Variants in KAT8 observed in about 807,000 individuals in gnomAD.
The protein encoded by KAT8 is histone acetyltransferase KAT8.
In KAT8, 40 loss-of-function variants were observed where a neutral mutation model predicts 62.9. The observed-to-expected ratio is 0.64, with a 90% CI of 0.49 to 0.83. The LOEUF is 0.83. Among genes scored for constraint, KAT8 ranks in the 40% least tolerant of loss-of-function variants. The probability of loss-of-function intolerance (pLI) is 0.00; values close to 1 mark genes in which losing one functional copy is unlikely to be tolerated. For missense variants in KAT8, 387 were observed against 614.8 expected (o/e 0.63, Z 3.92); for synonymous variants, 278 against 254.5 (o/e 1.09, Z -0.88).
At chr16:31,120,671 C>A (rs2057486347) in intron 3 of KAT8, 157 bp downstream of exon 3, 1 of 676,670 alleles carries the variant, frequency 1.5e-6, no homozygotes, top group African/African-American at 1.8e-5. Context: ...ACTTACTTTT[C>A]ATAGGTAAGA....
At chr16:31,129,913 C>A in intron 6 of KAT8, 104 bp from the exon 7 acceptor site, 1 of 1,301,624 alleles carries the variant, frequency 7.7e-7, no homozygotes, top group Non-Finnish European at 1.1e-6. Context: ...TCCTTCTGGC[C>A]TGGCGAGGCG....
At chr16:31,127,147 T>C in intron 4 of KAT8, 42 bp from the exon 5 acceptor site, 2 of 1,609,544 alleles carry the variant, frequency 1.2e-6, no homozygotes, top group Non-Finnish European at 1.7e-6. Context: ...GAGGAGCCCC[T>C]GCTGAGCCGT....
At chr16:31,129,487 T>C (rs200895704) in intron 6 of KAT8, among the ~76,000 whole-genome samples, 9 of 152,254 alleles carry the variant, frequency 5.9e-5, no homozygotes, top group African/African-American at 2.2e-4. Flanking sequence ...AGAGTGGCTG[T>C]GGTGTCATAA....
At chr16:31,120,767 G>A in intron 3 of KAT8, 1 of 440,656 alleles carries the variant, frequency 2.3e-6, no homozygotes, top group Non-Finnish European at 4.1e-6. Context: ...TCCGGCACTG[G>A]TAGCCTCTTT....
chr16:31,130,946 G>A (rs1403478152), intron 10 of KAT8, 46 bp downstream of exon 10: 2 of 1,589,050 alleles, frequency 1.3e-6, no homozygotes, highest in Non-Finnish European at 1.7e-6. Flanking sequence ...GGGAGTGTCA[G>A]TATATGGACT....
intron 1 of KAT8, among the ~76,000 whole-genome samples, chr16:31,119,243 G>A (rs868207723): frequency 6.6e-6 from 1 of 152,176 alleles, no homozygotes; most frequent in South Asian, 2.1e-4. Context: ...TCTGCCTCCC[G>A]GATTCAAGCG....
chr16:31,120,514 G>C lies in KAT8; in HGVS notation c.462G>C (p.Lys154Asn). 6.3e-7 allele frequency: 1 copy of C among 1,596,794 alleles called. No homozygotes were observed. Among genetic ancestry groups the C allele is most frequent in the Non-Finnish European group, 8.6e-7 (1 of 1,166,702 alleles). The stretch of plus-strand genomic sequence containing the variant: ...ATGATGAGATCAACCATGTGCAGAA[G>C]GTCCGGATCCCTTCCCATCCACGGG... The part of the protein sequence containing the change: ...RKHDEINHVQ[K>N]TYAEMDPTTA... Residue 154 changes from lysine (K) to asparagine (N), a missense_variant and splice_region_variant, in exon 3 of 11, where the codon AAG becomes AAC. Physicochemically the swap from Lys to Asn is moderately conservative, Grantham distance 94. Transcript: ENST00000219797.
At position 31,131,319 on chromosome 16, in the gene KAT8, A is replaced by G; in HGVS notation, c.*60A>G. On this transcript the variant is annotated 3_prime_UTR_variant, in exon 11 of 11. Transcript: ENST00000219797. ...TGGCTCCCAGCCTGTAAATATGTAT[A>G]GACCTGTTTTGTCATTTTTTTAATA... The G allele has an allele frequency of 1.3e-6, 2 of 1,588,638 alleles. No individual in the cohort carries two copies. Among genetic ancestry groups the G allele is most frequent in the East Asian group, 4.6e-5 (2 of 43,866 alleles).
intron 6 of KAT8, 40 bp from the exon 7 acceptor site, chr16:31,129,977 G>T (rs374184453): frequency 6.2e-7 from 1 of 1,610,150 alleles, no homozygotes; most frequent in Non-Finnish European, 8.5e-7. Context: ...TGGGGCCTGT[G>T]CCTGCCCCCT....
Position 31,117,841 on chromosome 16 carries a change from A to G in KAT8, c.160A>G (p.Thr54Ala). 1 of 1,442,938 alleles carries G rather than the reference A, an allele frequency of 6.9e-7. No individual in the cohort carries two copies. The highest frequency in any genetic ancestry group is 9.2e-7 in the Non-Finnish European group (1 of 1,088,422). The allele number at this position is 1,442,938 out of a possible 1,614,324, so 89.4% of individuals were successfully genotyped here. A position where few individuals can be genotyped will look rare whatever the true frequency, so the allele number is the denominator to read the frequency against. ...CCCGGCGCGCGGCGAGCCGGAAGTC[A>G]CGGTGGAGATCGGAGAAACGTACCT... is the stretch of plus-strand genomic sequence containing the variant. ...PTPARGEPEV[T>A]VEIGETYLCR... Residue 54 changes from threonine to alanine, a missense_variant, in exon 1 of 11, where the codon ACG (threonine) becomes GCG (alanine). Physicochemically the swap from Thr to Ala is moderately conservative, Grantham distance 58. This residue lies in a region of KAT8 where 69 missense variants were observed against 127.0 expected (regional missense o/e 0.54). Coordinates refer to ENST00000219797, the MANE Select transcript of KAT8 (RefSeq NM_032188.3).
At chr16:31,120,709 G>A (rs1407815781) in intron 3 of KAT8, 195 bp downstream of exon 3, 2 of 547,354 alleles carry the variant, frequency 3.7e-6, no homozygotes, top group African/African-American at 1.9e-5. Flanking sequence ...GGGCTTCGCT[G>A]CAGTCTCACA....
At chr16:31,120,572 T>G in intron 3 of KAT8, 58 bp downstream of exon 3, 1 of 1,537,204 alleles carries the variant, frequency 6.5e-7, no homozygotes, top group Non-Finnish European at 8.8e-7. Context: ...CCAGTTCCCT[T>G]GGGTCTCTCG....
chr16:31,131,372 G>A (rs2057578847), downstream of KAT8: 1 of 1,227,958 alleles, frequency 8.1e-7, no homozygotes, highest in Non-Finnish European at 1.2e-6. Context: ...CCTGGACTTT[G>A]GAGGGGAAGG....
intron 3 of KAT8, among the ~76,000 whole-genome samples, chr16:31,123,302 C>T (rs557794068): frequency 2.0e-4 from 31 of 152,270 alleles, no homozygotes; most frequent in African/African-American, 6.7e-4. Flanking sequence ...CTGCAACCTC[C>T]GCCTCCCAGA....
chr16:31,123,663 C>T (rs2057513874), intron 3 of KAT8: 1 of 152,232 alleles, frequency 6.6e-6, no homozygotes, highest in Non-Finnish European at 1.5e-5. Context: ...TGTGCCACCA[C>T]ACCCAGCTAT....
rs1451740499 is a variant in KAT8, at chr16:31,127,270, G to A, written c.598G>A (p.Asp200Asn). Residue 200 changes from aspartate to asparagine, a missense_variant, in exon 5 of 11, where the codon GAC becomes AAC. Asp to Asn is a conservative substitution (Grantham distance 23). Around this residue, in one of 6 missense-constraint regions of KAT8, gnomAD observed 141 missense variants for 222.5 expected, o/e 0.63. Transcript: ENST00000219797. ...DAWYFSPFPE[D>N]YGKQPKLWLC... is the part of the protein sequence containing the mutation. ...CTGGTATTTCTCACCATTCCCCGAA[G>A]ACTATGGGAAACAGCCCAAGCTCTG... 6.2e-7 allele frequency: 1 copy of A among 1,614,078 alleles called. No homozygotes were observed. The highest frequency in any genetic ancestry group is 1.3e-5 in the African/African-American group (1 of 74,948).
At chr16:31,129,982 C>T in intron 6 of KAT8, 35 bp from the exon 7 acceptor site, 3 of 1,610,196 alleles carry the variant, frequency 1.9e-6, no homozygotes, top group Non-Finnish European at 1.7e-6. Context: ...CCTGTGCCTG[C>T]CCCCTGAGCC....
chr16:31,125,344 C>T (rs1311298478), intron 3 of KAT8, among the ~76,000 whole-genome samples: 1 of 152,092 alleles, frequency 6.6e-6, no homozygotes, highest in Non-Finnish European at 1.5e-5. Flanking sequence ...TGGCTCACGC[C>T]TGTAATCTCA....
Position 31,120,201 on chromosome 16 carries a change from TC to T in KAT8, c.229del (p.Gln77SerfsTer4). On this transcript the variant is annotated frameshift_variant, in exon 2 of 11. Transcript: ENST00000219797. LOFTEE classifies it high-confidence loss of function. ...PDSTWHSAEV[I>X]QSRVNDQEGR... ...TCCATCACAGATTCTGCTGAAGTGATCCAGTCTCGAGTGAACGACCAGGAGG... is the reference window on the plus strand; with the variant it reads ...TCCATCACAGATTCTGCTGAAGTGATCAGTCTCGAGTGAACGACCAGGAGG... 1 of 1,614,092 alleles carries T rather than the reference TC, an allele frequency of 6.2e-7. No individual in the cohort carries two copies. The highest frequency in any genetic ancestry group is 2.2e-5 in the East Asian group (1 of 44,878).
Sources: allele counts gnomAD v4.1 joint callset (sites outside exome capture counted in the v4.1 genomes callset), GRCh38; gene constraint gnomAD v4.1.1; regional missense constraint gnomAD v4.1.1; transcripts MANE v1.5; gene names NCBI Gene and HGNC (gene_info 2026-07-23, HGNC 2026-07-21).